UBE2D3: variants seen among roughly 807,000 people sequenced by gnomAD.
The protein encoded by UBE2D3 is ubiquitin conjugating enzyme E2 D3, also known as ubiquitin-conjugating enzyme E2 D3.
Under a neutral mutation model 22.8 loss-of-function variants are expected in UBE2D3, and 2 were observed. That is an observed-to-expected ratio of 0.09 (90% CI 0.04 to 0.28). The LOEUF (loss-of-function observed/expected upper bound fraction) is 0.28. UBE2D3 is among the 10% of genes least tolerant of loss of function. The probability of loss-of-function intolerance (pLI) is 1.00; values close to 1 mark genes in which losing one functional copy is unlikely to be tolerated. For synonymous variants in UBE2D3, 56 were observed against 60.4 expected, an observed-to-expected ratio of 0.93 and a Z score of 0.34; for missense variants, 27 against 182.5, an observed-to-expected ratio of 0.15 and a Z score of 4.91.
At chr4:102,838,807 C>CAAAAA (rs145975514) in intron 1 of UBE2D3, among the ~76,000 whole-genome samples, 2 of 54,300 alleles carry the variant, frequency 3.7e-5, no homozygotes, top group African/African-American at 7.3e-5. Context: ...CTGTGCTGGG[C>CAAAAA]AAAAAAAAAA....
intron 1 of UBE2D3, among the ~76,000 whole-genome samples, chr4:102,857,293 C>T (rs1732674410): frequency 6.6e-6 from 1 of 152,124 alleles, no homozygotes. Flanking sequence ...GGCTAGAGGT[C>T]ACATATCTGG....
At chr4:102,801,611 A>G in intron 5 of UBE2D3, 52 bp from the exon 6 acceptor site, 1 of 1,391,238 alleles carries the variant, frequency 7.2e-7, no homozygotes, top group Non-Finnish European at 9.9e-7. Context: ...AACATCTTTT[A>G]AAGCAAAACT....
At chr4:102,836,806 A>G (rs970191645) in intron 1 of UBE2D3, among the ~76,000 whole-genome samples, 1 of 152,186 alleles carries the variant, frequency 6.6e-6, no homozygotes, top group Non-Finnish European at 1.5e-5. Context: ...TGTCATCCAC[A>G]TATCTTCTTT....
At chr4:102,817,893 C>A (rs1729005138) in intron 2 of UBE2D3, among the ~76,000 whole-genome samples, 3 of 152,126 alleles carry the variant, frequency 2.0e-5, no homozygotes, top group Admixed American at 6.5e-5. Context: ...ACGATAGTCA[C>A]CTAACAAAAT....
chr4:102,808,392 C>T (rs1486434574), intron 4 of UBE2D3, among the ~76,000 whole-genome samples: 1 of 152,170 alleles, frequency 6.6e-6, no homozygotes, highest in Admixed American at 6.5e-5. Flanking sequence ...TTAATAACTA[C>T]AAAGCCAGGA....
intron 1 of UBE2D3, among the ~76,000 whole-genome samples, chr4:102,837,903 G>A (rs572681173): frequency 1.3e-5 from 2 of 152,264 alleles, no homozygotes; most frequent in South Asian, 2.1e-4. Flanking sequence ...GCAGTGAGCC[G>A]AGATTGCGCC....
rs577416523 is a variant in UBE2D3 at position 102,840,353 on chromosome 4, G to A, written c.-128-13717C>T. Among the ~76,000 whole-genome samples the A allele has an allele frequency of 1.4e-4, 21 of 152,348 alleles. 1 individual carries two copies. In the South Asian group the frequency reaches 3.9e-3, roughly 29 times the overall value. ...CAACAGATGAATGGATAAAGAAAAT[G>A]TGTTACCTATGCACAATGAATACTA... On this transcript the variant is annotated intron_variant, in intron 1 of 7. Coordinates refer to the UBE2D3 transcript ENST00000338145.
chr4:102,808,500 G>T (rs1263179810), intron 4 of UBE2D3, among the ~76,000 whole-genome samples: 1 of 152,016 alleles, frequency 6.6e-6, no homozygotes, highest in Non-Finnish European at 1.5e-5. Context: ...CTTAATATTT[G>T]CACCCCTGCC....
chr4:102,806,515 GAAAAAATAA>G (rs897531172), intron 4 of UBE2D3, among the ~76,000 whole-genome samples: 6 of 152,018 alleles, frequency 3.9e-5, no homozygotes, highest in African/African-American at 1.5e-4. Context: ...AAAAAAAGTT[GAAAAAATAA>G]TCCTTATGGA....
At chr4:102,858,522 A>C (rs1009821768) in intron 1 of UBE2D3, among the ~76,000 whole-genome samples, 1 of 151,908 alleles carries the variant, frequency 6.6e-6, no homozygotes, top group Non-Finnish European at 1.5e-5. Flanking sequence ...TAGGAGTATC[A>C]AATGAAGATG....
intron 2 of UBE2D3, chr4:102,811,586 C>G: frequency 3.2e-6 from 1 of 308,820 alleles, no homozygotes; most frequent in Non-Finnish European, 6.3e-6. Flanking sequence ...GAGGATGATA[C>G]AGGAGAATCA....
chr4:102,834,124 T>G (rs1258144845), intron 1 of UBE2D3, among the ~76,000 whole-genome samples: 2 of 152,154 alleles, frequency 1.3e-5, no homozygotes, highest in Non-Finnish European at 2.9e-5. Context: ...ATCCATTAAT[T>G]TACATTCCTC....
intron 2 of UBE2D3, among the ~76,000 whole-genome samples, chr4:102,817,182 A>C (rs1237357256): frequency 3.9e-5 from 6 of 152,246 alleles, no homozygotes; most frequent in Middle Eastern, 3.2e-3. Context: ...AGTTTGGTAT[A>C]CCAGACAGAG....
intron 1 of UBE2D3, among the ~76,000 whole-genome samples, chr4:102,864,706 A>G (rs934845336): frequency 1.3e-5 from 2 of 152,248 alleles, no homozygotes; most frequent in Admixed American, 6.5e-5. Context: ...TTCATAGAGT[A>G]GTAACAAGGC....
chr4:102,835,724 T>C (rs1444389479), intron 1 of UBE2D3, among the ~76,000 whole-genome samples: 1 of 152,214 alleles, frequency 6.6e-6, no homozygotes, highest in Non-Finnish European at 1.5e-5. Flanking sequence ...TATTGAAATA[T>C]AATTGACATA....
chr4:102,851,792 A>C (rs1253198934), intron 1 of UBE2D3, among the ~76,000 whole-genome samples: 1 of 151,160 alleles, frequency 6.6e-6, no homozygotes, highest in East Asian at 1.9e-4. Context: ...TCAGCCTCCC[A>C]AGTAGCTGGG....
At chr4:102,867,353 C>T (rs748527053) in intron 1 of UBE2D3, among the ~76,000 whole-genome samples, 8 of 152,090 alleles carry the variant, frequency 5.3e-5, no homozygotes, top group Non-Finnish European at 8.8e-5. Context: ...CACTGTCATA[C>T]ACAATGAAAT....
chr4:102,851,621 TCTTC>T (rs1350749087), intron 1 of UBE2D3, among the ~76,000 whole-genome samples: 1 of 152,106 alleles, frequency 6.6e-6, no homozygotes, highest in Admixed American at 6.6e-5. Context: ...TTTCTCCTCT[TCTTC>T]CTTTAATATT....
intron 1 of UBE2D3, among the ~76,000 whole-genome samples, chr4:102,863,977 C>T (rs561584385): frequency 6.6e-6 from 1 of 151,766 alleles, no homozygotes; most frequent in Admixed American, 6.6e-5. Flanking sequence ...CTAGACCAAC[C>T]ACTGTGAAAA....
Sources: gnomAD v4.1 joint callset for allele counts (sites outside exome capture counted in the v4.1 genomes callset) on GRCh38, gnomAD v4.1.1 for gene constraint, MANE v1.5 for transcripts, NCBI Gene and HGNC (gene_info 2026-07-23, HGNC 2026-07-21) for gene names.